Variants in CNNM2 observed in about 807,000 individuals in gnomAD.
CNNM2 encodes the protein metal transporter CNNM2.
CNNM2 carries 12 observed loss-of-function variants against 66.9 expected under a neutral mutation model. The ratio of observed to expected loss-of-function variants is 0.18; its 90% CI spans 0.11 to 0.29. The LOEUF is 0.29. CNNM2 is among the 10% of genes least tolerant of loss of function. CNNM2 has a pLI of 1.00. For synonymous variants in CNNM2, 557 were observed against 501.8 expected (o/e 1.11, Z -1.47); for missense variants, 705 against 1,167.7 (o/e 0.60, Z 5.77).
chr10:102,958,456 CTTGT>C (rs1847128595), intron 1 of CNNM2, among the ~76,000 whole-genome samples: 1 of 114,290 alleles, frequency 8.7e-6, no homozygotes, highest in African/African-American at 3.3e-5. Context: ...ATTCAAGCAA[CTTGT>C]TTTTTTTTTT....
At chr10:103,000,163 G>T (rs1418210815) in intron 1 of CNNM2, among the ~76,000 whole-genome samples, 1 of 151,964 alleles carries the variant, frequency 6.6e-6, no homozygotes, top group Non-Finnish European at 1.5e-5. Flanking sequence ...TTGAACCTGG[G>T]GAGTGGAGGT....
chr10:102,927,396 T>C lies in CNNM2; in HGVS notation c.1621+7295T>C. ...TACCAACACTGAAAAGAAGAGACAA[T>C]AAGAAGCATTCTTTCTTTCAACATC... On this transcript the variant is annotated intron_variant, in intron 1 of 7. Transcript: ENST00000369878. The C allele has an allele frequency of 1.2e-6, 2 of 1,613,644 alleles. No homozygotes were observed. Among genetic ancestry groups the C allele is most frequent in the Non-Finnish European group, 1.7e-6 (2 of 1,179,832 alleles).
chr10:103,020,778 TGGGAAGG>T (rs1344061546), intron 1 of CNNM2, among the ~76,000 whole-genome samples: 1 of 142,200 alleles, frequency 7.0e-6, no homozygotes, highest in East Asian at 2.0e-4. Flanking sequence ...AAAGCTAGAC[TGGGAAGG>T]GGCGAAGGGC....
intron 1 of CNNM2, among the ~76,000 whole-genome samples, chr10:102,977,193 G>A (rs1011976988): frequency 5.9e-5 from 9 of 152,120 alleles, no homozygotes; most frequent in African/African-American, 1.7e-4. Flanking sequence ...TTACTCTCAT[G>A]GATGTTTGTA....
At chr10:103,046,467 A>G (rs2065128621) in intron 1 of CNNM2, among the ~76,000 whole-genome samples, 1 of 152,218 alleles carries the variant, frequency 6.6e-6, no homozygotes, top group African/African-American at 2.4e-5. Flanking sequence ...TAAATGGGTT[A>G]AACTTTTTTT....
intron 1 of CNNM2, among the ~76,000 whole-genome samples, chr10:102,981,357 A>T (rs12260436): frequency 6.6e-6 from 1 of 151,234 alleles, no homozygotes; most frequent in Admixed American, 6.6e-5. Flanking sequence ...TCAAAAAAAA[A>T]CCCCAAAACA....
At chr10:102,936,851 CATCAAAATAA>C (rs1846258756) in intron 1 of CNNM2, among the ~76,000 whole-genome samples, 1 of 152,124 alleles carries the variant, frequency 6.6e-6, no homozygotes, top group South Asian at 2.1e-4. Flanking sequence ...AAACCAAATC[CATCAAAATAA>C]AGTGCAAGTT....
intron 1 of CNNM2, among the ~76,000 whole-genome samples, chr10:103,001,731 C>T (rs2064125704): frequency 6.6e-6 from 1 of 152,200 alleles, no homozygotes; most frequent in East Asian, 1.9e-4. Context: ...AGGCCAGGTG[C>T]GCTGGCTCAT....
At position 103,089,052 on chromosome 10, in the gene CNNM2, T is replaced by C. The variant is rs2066066210; in HGVS notation, c.*11872T>C. The C allele has an allele frequency of 4.6e-6, 1 of 218,800 alleles. No individual in the cohort carries two copies. The highest frequency in any genetic ancestry group is 9.2e-6 in the Non-Finnish European group (1 of 108,922). The allele number at this position is 218,800 out of a possible 1,614,324, so 13.6% of individuals were successfully genotyped here. A position where few individuals can be genotyped will look rare whatever the true frequency, so the allele number is the denominator to read the frequency against. ...CAAAAGGTAATAAGGATACTGTCTT[T>C]TCCCTCAAAATAGAATCCTGCCCTA... On this transcript the variant is annotated 3_prime_UTR_variant, in exon 8 of 8. Transcript: ENST00000369878.
intron 1 of CNNM2, among the ~76,000 whole-genome samples, chr10:102,973,779 T>C (rs948486584): frequency 6.6e-6 from 1 of 152,114 alleles, no homozygotes. Flanking sequence ...CATACTCCAA[T>C]TTTGCATTGA....
At chr10:102,953,204 A>G (rs1381560345) in intron 1 of CNNM2, among the ~76,000 whole-genome samples, 1 of 152,214 alleles carries the variant, frequency 6.6e-6, no homozygotes, top group Admixed American at 6.5e-5. Flanking sequence ...ATTGTTACTT[A>G]AAACTTATAA....
intron 1 of CNNM2, among the ~76,000 whole-genome samples, chr10:103,040,308 T>TA (rs1387558731): frequency 6.6e-6 from 1 of 151,460 alleles, no homozygotes; most frequent in Admixed American, 6.6e-5. Flanking sequence ...AAGAGCAAGG[T>TA]AAAAAAGGAT....
chr10:103,023,815 A>G (rs2064642735), intron 1 of CNNM2, among the ~76,000 whole-genome samples: 1 of 152,218 alleles, frequency 6.6e-6, no homozygotes, highest in South Asian at 2.1e-4. Flanking sequence ...ATTTGCAATC[A>G]TTTGACAAAC....
chr10:102,977,411 G>A (rs148381004), intron 1 of CNNM2, among the ~76,000 whole-genome samples: 2,318 of 152,188 alleles, frequency 0.015, 33 homozygotes, highest in Non-Finnish European at 0.024. Flanking sequence ...TTTTGGATTT[G>A]GGATACTCAA....
chr10:102,947,339 G>A (rs1012397668), intron 1 of CNNM2, among the ~76,000 whole-genome samples: 1 of 152,024 alleles, frequency 6.6e-6, no homozygotes, highest in African/African-American at 2.4e-5. Flanking sequence ...AAACGACTTT[G>A]TTTCTGTTTT....
chr10:103,006,491 C>A (rs1365005692), intron 1 of CNNM2, among the ~76,000 whole-genome samples: 2 of 152,120 alleles, frequency 1.3e-5, no homozygotes, highest in Non-Finnish European at 2.9e-5. Flanking sequence ...CAGGTGTGAA[C>A]CACCACTCCT....
rs1035673325 is a variant in CNNM2, at chr10:103,078,481, C to G, written c.*1301C>G. The G allele has an allele frequency of 6.6e-6, 1 of 152,254 alleles. No individual in the cohort carries two copies. Among genetic ancestry groups the G allele is most frequent in the East Asian group, 1.9e-4 (1 of 5,202 alleles). 9.4% of individuals were successfully genotyped at this position (152,254 alleles called of 1,614,324 possible). On this transcript the variant is annotated 3_prime_UTR_variant, in exon 8 of 8. Coordinates refer to ENST00000369878, the MANE Select transcript of CNNM2 (RefSeq NM_017649.5). ...TGGCCCCAAACAGGGATTCAGAAAC[C>G]AAATGTGTGTTGTGGCCATTTTATG...
At chr10:103,035,109 A>G (rs2134308157) in intron 1 of CNNM2, among the ~76,000 whole-genome samples, 1 of 152,196 alleles carries the variant, frequency 6.6e-6, no homozygotes, top group African/African-American at 2.4e-5. Context: ...ACATAGTGGG[A>G]CCGTGTCTTG....
chr10:102,997,282 T>C (rs2064021028), intron 1 of CNNM2, among the ~76,000 whole-genome samples: 2 of 152,210 alleles, frequency 1.3e-5, no homozygotes, highest in Admixed American at 6.5e-5. Context: ...TAATTCTTGA[T>C]CCACTGCAGG....
Sources: gnomAD v4.1 joint callset for allele counts (sites outside exome capture counted in the v4.1 genomes callset) on GRCh38, gnomAD v4.1.1 for gene constraint, MANE v1.5 for transcripts, NCBI Gene and HGNC (gene_info 2026-07-23, HGNC 2026-07-21) for gene names.